The following PCDH9 variants were observed in gnomAD, a reference collection of about 807,000 sequenced individuals.
PCDH9 encodes protocadherin 9.
In PCDH9, 24 loss-of-function variants were observed where a neutral mutation model predicts 70.6. The ratio of observed to expected loss-of-function variants is 0.34; its 90% CI spans 0.25 to 0.48. The LOEUF is 0.48. Ranked by LOEUF, PCDH9 falls within the 20% of genes least tolerant of loss-of-function variation. The probability of loss-of-function intolerance (pLI) is 0.99; values close to 1 mark genes in which losing one functional copy is unlikely to be tolerated. For synonymous variants in PCDH9, 562 were observed against 558.5 expected, an observed-to-expected ratio of 1.01 and a Z score of -0.09; for missense variants, 1,281 against 1,503.6, an observed-to-expected ratio of 0.85 and a Z score of 2.45.
intron 2 of PCDH9, among the ~76,000 whole-genome samples, chr13:67,158,107 A>C (rs2087860988): frequency 6.6e-6 from 1 of 152,232 alleles, no homozygotes; most frequent in Non-Finnish European, 1.5e-5. Flanking sequence ...CATCACATGC[A>C]AGCTTTCGTG....
intron 2 of PCDH9, among the ~76,000 whole-genome samples, chr13:67,179,021 A>G (rs1399336666): frequency 6.6e-6 from 1 of 152,096 alleles, no homozygotes; most frequent in Non-Finnish European, 1.5e-5. Flanking sequence ...GTTAAATATA[A>G]ACTTGTGCAT....
intron 4 of PCDH9, among the ~76,000 whole-genome samples, chr13:66,542,707 A>T (rs988034213): frequency 2.0e-4 from 30 of 146,822 alleles, no homozygotes; most frequent in African/African-American, 3.2e-4. Context: ...TATATATATA[A>T]AAACATATAT....
chr13:66,652,646 A>G (rs2077869744), intron 3 of PCDH9, among the ~76,000 whole-genome samples: 1 of 152,106 alleles, frequency 6.6e-6, no homozygotes, highest in Non-Finnish European at 1.5e-5. Context: ...CCTAAAATGT[A>G]TATGGAACCA....
intron 2 of PCDH9, among the ~76,000 whole-genome samples, chr13:66,929,513 G>T (rs1210011106): frequency 6.6e-6 from 1 of 151,858 alleles, no homozygotes; most frequent in Admixed American, 6.6e-5. Flanking sequence ...TAGTACAGAT[G>T]GGGTTTCACC....
chr13:66,586,094 G>C (rs1242101417), intron 4 of PCDH9, among the ~76,000 whole-genome samples: 2 of 152,164 alleles, frequency 1.3e-5, no homozygotes, highest in Non-Finnish European at 2.9e-5. Context: ...AACTGAGAGT[G>C]AGAGGATACC....
At chr13:66,982,874 T>C (rs187912614) in intron 2 of PCDH9, among the ~76,000 whole-genome samples, 40 of 152,376 alleles carry the variant, frequency 2.6e-4, no homozygotes, top group African/African-American at 8.7e-4. Context: ...GGTCTTGACT[T>C]ACATTCAAAT....
intron 4 of PCDH9, among the ~76,000 whole-genome samples, chr13:66,386,336 G>A (rs1322186581): frequency 6.6e-6 from 1 of 152,024 alleles, no homozygotes; most frequent in Non-Finnish European, 1.5e-5. Flanking sequence ...GTCAAATACT[G>A]TATCTTTGAC....
At chr13:66,378,817 A>T (rs1412605845) in intron 4 of PCDH9, among the ~76,000 whole-genome samples, 1 of 152,210 alleles carries the variant, frequency 6.6e-6, no homozygotes, top group Non-Finnish European at 1.5e-5. Flanking sequence ...CATAGCTAAG[A>T]GTGATATGTA....
At chr13:66,869,778 T>C (rs12863013) in intron 3 of PCDH9, among the ~76,000 whole-genome samples, 1 of 152,126 alleles carries the variant, frequency 6.6e-6, no homozygotes, top group Non-Finnish European at 1.5e-5. Context: ...CACAAACATA[T>C]ACACACTCCC....
chr13:66,610,435 C>G (rs1458343888), intron 4 of PCDH9, among the ~76,000 whole-genome samples: 25 of 152,040 alleles, frequency 1.6e-4, no homozygotes, highest in Non-Finnish European at 4.4e-5. Flanking sequence ...CCCTTTTGAA[C>G]AATAAATGAA....
intron 4 of PCDH9, among the ~76,000 whole-genome samples, chr13:66,360,346 C>T (rs768543262): frequency 6.6e-6 from 1 of 152,024 alleles, no homozygotes; most frequent in Non-Finnish European, 1.5e-5. Context: ...ATATGCAAAA[C>T]GAAACTCACA....
At chr13:66,786,221 A>G (rs1054393551) in intron 3 of PCDH9, among the ~76,000 whole-genome samples, 12 of 152,146 alleles carry the variant, frequency 7.9e-5, no homozygotes, top group African/African-American at 1.9e-4. Context: ...TACCTATGCT[A>G]CATACAGCCA....
intron 3 of PCDH9, among the ~76,000 whole-genome samples, chr13:66,781,618 CTT>C (rs2139299331): frequency 6.6e-6 from 1 of 152,274 alleles, no homozygotes; most frequent in African/African-American, 2.4e-5. Flanking sequence ...CTTATATGAT[CTT>C]GCATTCTTAC....
At chr13:66,362,874 C>T (rs1385394560) in intron 4 of PCDH9, among the ~76,000 whole-genome samples, 2 of 152,128 alleles carry the variant, frequency 1.3e-5, no homozygotes, top group African/African-American at 4.8e-5. Context: ...TCACTTATAT[C>T]TTCCTTCATT....
At chr13:67,032,185 C>T (rs1453053769) in intron 2 of PCDH9, among the ~76,000 whole-genome samples, 2 of 152,030 alleles carry the variant, frequency 1.3e-5, no homozygotes, top group African/African-American at 2.4e-5. Flanking sequence ...ACTCGGTCAC[C>T]CAGGCTGGAG....
At chr13:66,657,067 T>C (rs1179847435) in intron 3 of PCDH9, among the ~76,000 whole-genome samples, 1 of 152,182 alleles carries the variant, frequency 6.6e-6, no homozygotes, top group Non-Finnish European at 1.5e-5. Flanking sequence ...TACACCGATT[T>C]GCCTAGACCA....
intron 4 of PCDH9, among the ~76,000 whole-genome samples, chr13:66,484,011 C>G (rs1261289086): frequency 1.3e-5 from 2 of 152,152 alleles, no homozygotes; most frequent in Non-Finnish European, 2.9e-5. Context: ...GGCCGGGGCA[C>G]TTGGAGGAGA....
At chr13:66,535,529 T>G (rs1397041938) in intron 4 of PCDH9, among the ~76,000 whole-genome samples, 2 of 152,118 alleles carry the variant, frequency 1.3e-5, no homozygotes, top group Non-Finnish European at 2.9e-5. Flanking sequence ...ATAGCAGGCA[T>G]AATCCCAACT....
At chr13:66,644,597 G>A (rs1171773123) in intron 3 of PCDH9, among the ~76,000 whole-genome samples, 6 of 151,918 alleles carry the variant, frequency 3.9e-5, no homozygotes, top group African/African-American at 1.4e-4. Context: ...ATGTGTGTTA[G>A]TGATATAGAT....
Sources: allele counts gnomAD v4.1 joint callset (sites outside exome capture counted in the v4.1 genomes callset), GRCh38; gene constraint gnomAD v4.1.1; transcripts MANE v1.5; gene names NCBI Gene and HGNC (gene_info 2026-07-23, HGNC 2026-07-21).